UACA: variants seen among roughly 807,000 people sequenced by gnomAD.
The protein encoded by UACA is nuclear membrane binding protein.
Under a neutral mutation model 160.5 loss-of-function variants are expected in UACA, and 112 were observed. The observed-to-expected ratio is 0.70, with a 90% CI of 0.60 to 0.82. The LOEUF is 0.82. Ranked by LOEUF, UACA falls within the 40% of genes least tolerant of loss-of-function variation. The probability of loss-of-function intolerance (pLI) is 0.00; values close to 1 mark genes in which losing one functional copy is unlikely to be tolerated. For synonymous variants in UACA, 557 were observed against 568.4 expected, an observed-to-expected ratio of 0.98 and a Z score of 0.29; for missense variants, 1,574 against 1,614.6, an observed-to-expected ratio of 0.97 and a Z score of 0.43.
rs1302182766 is a variant in UACA, at chr15:70,678,107, G to A, written c.991C>T (p.Leu331=). ...TATGCAGATTTATTTACCTCATTCAGCTGTAACTGTAAACCATTGACTTTA... is the reference window on the plus strand; with the variant it reads ...TATGCAGATTTATTTACCTCATTCAACTGTAACTGTAAACCATTGACTTTA... ...LDKVNGLQLQ[L]NEEVMVADDL... is the part of the protein sequence containing the mutation. Residue 331 remains leucine, a synonymous_variant, in exon 11 of 19, where the codon CTG becomes TTG. Transcript: ENST00000322954. 2 of 1,593,386 alleles carry A rather than the reference G, an allele frequency of 1.3e-6. No homozygotes were observed. The highest frequency in any genetic ancestry group is 1.7e-6 in the Non-Finnish European group (2 of 1,171,496).
intron 1 of UACA, among the ~76,000 whole-genome samples, chr15:70,750,808 A>T (rs1407702165): frequency 6.6e-6 from 1 of 152,176 alleles, no homozygotes; most frequent in Admixed American, 6.5e-5. Flanking sequence ...CTCTAGTCTG[A>T]GTGACAGAGC....
chr15:70,764,456 G>A (rs991126435), upstream of UACA, among the ~76,000 whole-genome samples: 2 of 152,306 alleles, frequency 1.3e-5, no homozygotes, highest in East Asian at 3.9e-4. Flanking sequence ...TGCTGTTCGG[G>A]TGACATCTTC....
chr15:70,740,422 T>C (rs1218610389), intron 1 of UACA, among the ~76,000 whole-genome samples: 1 of 149,314 alleles, frequency 6.7e-6, no homozygotes, highest in Admixed American at 6.8e-5. Flanking sequence ...GAGATCAGCC[T>C]AGGCAACGAA....
intron 15 of UACA, 140 bp from the exon 16 acceptor site, chr15:70,669,602 A>G: frequency 1.6e-6 from 1 of 621,370 alleles, no homozygotes. Flanking sequence ...TGGAAAAAAA[A>G]TCACAATGCT....
chr15:70,687,448 G>A, intron 7 of UACA, 92 bp downstream of exon 7: 3 of 1,212,192 alleles, frequency 2.5e-6, no homozygotes, highest in Non-Finnish European at 3.6e-6. Flanking sequence ...AGGAAAGAAA[G>A]GCCAAGTCAG....
intron 1 of UACA, among the ~76,000 whole-genome samples, chr15:70,704,611 C>G (rs1898472866): frequency 6.6e-6 from 1 of 152,148 alleles, no homozygotes; most frequent in Non-Finnish European, 1.5e-5. Context: ...CCAGTGCTCT[C>G]AACTACAAAG....
chr15:70,663,140 T>G (rs1896776913), intron 17 of UACA, among the ~76,000 whole-genome samples: 2 of 152,182 alleles, frequency 1.3e-5, no homozygotes, highest in South Asian at 4.1e-4. Flanking sequence ...ATCCAGAATC[T>G]ACAATGAACT....
intron 1 of UACA, among the ~76,000 whole-genome samples, chr15:70,759,587 G>T (rs919334139): frequency 6.6e-6 from 1 of 152,132 alleles, no homozygotes; most frequent in Admixed American, 6.5e-5. Context: ...CCTGGGAGGC[G>T]GAGGTTGCAG....
At chr15:70,681,399 A>G (rs1233475078) in intron 9 of UACA, 4 of 152,160 alleles carry the variant, frequency 2.6e-5, no homozygotes, top group Admixed American at 2.6e-4. Flanking sequence ...TTTACAGCGT[A>G]TATTTAGTAA....
chr15:70,763,333 G>A lies in UACA; in HGVS notation c.75C>T (p.Ser25=). 7.5e-7 allele frequency: 1 copy of A among 1,333,622 alleles called. No homozygotes were observed. Among genetic ancestry groups the A allele is most frequent in the Non-Finnish European group, 9.6e-7 (1 of 1,036,640 alleles). The allele number at this position is 1,333,622 out of a possible 1,614,324, so 82.6% of individuals were successfully genotyped here. A position where few individuals can be genotyped will look rare whatever the true frequency, so the allele number is the denominator to read the frequency against. Reference sequence around the variant, plus strand: ...CAGCCCGGACCGCGGGACTCACCGCGCTGGCGGCGGCGGCGCCAGACGACG... The same window carrying A: ...CAGCCCGGACCGCGGGACTCACCGCACTGGCGGCGGCGGCGCCAGACGACG... ...GPASSGAAAA[S]AHAADWNKYD... is the part of the protein sequence containing the mutation. The change falls in exon 1 of 19, where the codon AGC becomes AGT. Residue 25 remains serine (S), a synonymous_variant. Transcript: ENST00000322954.
intron 13 of UACA, among the ~76,000 whole-genome samples, chr15:70,673,336 T>A (rs1322809130): frequency 1.3e-5 from 2 of 152,078 alleles, no homozygotes; most frequent in Admixed American, 6.5e-5. Flanking sequence ...GACAGGCAGA[T>A]GTAGTTCATA....
chr15:70,749,770 A>T (rs562293406), intron 1 of UACA, among the ~76,000 whole-genome samples: 13 of 151,868 alleles, frequency 8.6e-5, no homozygotes, highest in Non-Finnish European at 1.5e-4. Flanking sequence ...GCTTATAAAG[A>T]TTATTAGCAT....
intron 11 of UACA, 66 bp from the exon 12 acceptor site, chr15:70,677,206 G>A: frequency 1.6e-6 from 2 of 1,242,600 alleles, no homozygotes; most frequent in Admixed American, 2.1e-5. Flanking sequence ...CATGAACTTG[G>A]CAAAGATATT....
chr15:70,753,167 A>G (rs1440243252), intron 1 of UACA, among the ~76,000 whole-genome samples: 1 of 152,240 alleles, frequency 6.6e-6, no homozygotes, highest in Non-Finnish European at 1.5e-5. Flanking sequence ...ACAGGGCATC[A>G]GCAGAAAAAA....
chr15:70,685,899 T>C (rs906205185), intron 7 of UACA, among the ~76,000 whole-genome samples: 2 of 152,130 alleles, frequency 1.3e-5, no homozygotes, highest in African/African-American at 4.8e-5. Flanking sequence ...CTCAGCCTCC[T>C]GAGTAGCTGG....
At position 70,656,943 on chromosome 15, in the gene UACA, T is replaced by C. The variant is rs1261285164; in HGVS notation, c.*113A>G. 5.8e-6 allele frequency: 4 copies of C among 691,276 alleles called. No homozygotes were observed. Among genetic ancestry groups the C allele is most frequent in the Non-Finnish European group, 9.2e-6 (4 of 436,410 alleles). The allele number at this position is 691,276 out of a possible 1,614,324, so 42.8% of individuals were successfully genotyped here. A position where few individuals can be genotyped will look rare whatever the true frequency, so the allele number is the denominator to read the frequency against. ...AAAAAAACCTACCAATAGAACAAAA[T>C]ATATTTTATTTTAATTATACCAGCA... On this transcript the variant is annotated 3_prime_UTR_variant, in exon 19 of 19. Transcript: ENST00000322954.
rs549683234 is a variant in UACA, at chr15:70,747,241, GT to G, written c.78+16088del. Among the ~76,000 whole-genome samples, 674 of 119,228 alleles carry G rather than the reference GT, an allele frequency of 5.7e-3. 3 individuals carry two copies. The highest frequency in any genetic ancestry group is 0.012 in the Admixed American group (144 of 11,738). 78.2% of individuals were successfully genotyped at this position (119,228 alleles called of 152,430 possible). A position where few individuals can be genotyped will look rare whatever the true frequency, so the allele number is the denominator to read the frequency against. On this transcript the variant is annotated intron_variant, in intron 1 of 18. Coordinates refer to ENST00000322954, the MANE Select transcript of UACA (RefSeq NM_018003.4). Reference sequence around the variant, plus strand: ...GAAACGAATGGTGTTTGTTTTTTGGGTTTTTTTTTTTTTTTTTTTTTTAGAT... The same window carrying G: ...GAAACGAATGGTGTTTGTTTTTTGGGTTTTTTTTTTTTTTTTTTTTTAGAT...
At chr15:70,715,411 T>C (rs1333858775) in intron 1 of UACA, among the ~76,000 whole-genome samples, 1 of 152,180 alleles carries the variant, frequency 6.6e-6, no homozygotes, top group East Asian at 1.9e-4. Context: ...AAAGATATTT[T>C]TGTACCTTTG....
intron 1 of UACA, among the ~76,000 whole-genome samples, chr15:70,706,333 G>A (rs751353904): frequency 1.3e-5 from 2 of 151,920 alleles, no homozygotes; most frequent in African/African-American, 2.4e-5. Flanking sequence ...CTCAACTATG[G>A]AAAACTGAAA....
Sources: allele counts gnomAD v4.1 joint callset (sites outside exome capture counted in the v4.1 genomes callset), GRCh38; gene constraint gnomAD v4.1.1; transcripts MANE v1.5; gene names NCBI Gene and HGNC (gene_info 2026-07-23, HGNC 2026-07-21).